CNTNAP2: variants seen among roughly 807,000 people sequenced by gnomAD.
The protein encoded by CNTNAP2 is contactin-associated protein-like 2.
Under a neutral mutation model 155.2 loss-of-function variants are expected in CNTNAP2, and 98 were observed. The ratio of observed to expected loss-of-function variants is 0.63; its 90% CI spans 0.54 to 0.75. The LOEUF (loss-of-function observed/expected upper bound fraction) is 0.75, where lower values mean the gene tolerates loss of function less well. Ranked by LOEUF, CNTNAP2 falls within the 30% of genes least tolerant of loss-of-function variation. The pLI, the probability that CNTNAP2 is intolerant of heterozygous loss-of-function variation, is 0.00. For missense variants in CNTNAP2, 1,727 were observed against 1,688.1 expected (o/e 1.02, Z -0.40); for synonymous variants, 651 against 631.2 (o/e 1.03, Z -0.47).
chr7:146,507,794 A>G (rs994486329), intron 1 of CNTNAP2, among the ~76,000 whole-genome samples: 3 of 152,188 alleles, frequency 2.0e-5, no homozygotes, highest in African/African-American at 7.2e-5. Flanking sequence ...TATCATCCAT[A>G]TAATGGAAAA....
chr7:147,521,827 CAT>C (rs1168463701), intron 11 of CNTNAP2, among the ~76,000 whole-genome samples: 2 of 152,138 alleles, frequency 1.3e-5, no homozygotes. Context: ...ATCTGTGAAA[CAT>C]AATGTTTTCC....
At chr7:146,284,301 C>G (rs564243105) in intron 1 of CNTNAP2, among the ~76,000 whole-genome samples, 1 of 152,146 alleles carries the variant, frequency 6.6e-6, no homozygotes, top group South Asian at 2.1e-4. Flanking sequence ...AAAATGATTT[C>G]ACCTGGTGGC....
intron 8 of CNTNAP2, among the ~76,000 whole-genome samples, chr7:147,220,867 C>T (rs766424288): frequency 1.5e-4 from 23 of 152,060 alleles, no homozygotes; most frequent in Non-Finnish European, 3.1e-4. Flanking sequence ...GCATTCATCA[C>T]CATGTCTGAC....
At chr7:147,771,174 G>T (rs1208018905) in intron 13 of CNTNAP2, among the ~76,000 whole-genome samples, 1 of 152,172 alleles carries the variant, frequency 6.6e-6, no homozygotes, top group Non-Finnish European at 1.5e-5. Context: ...TTGGCCTGTT[G>T]CATCACACCA....
intron 1 of CNTNAP2, among the ~76,000 whole-genome samples, chr7:146,468,719 T>TA (rs1458590383): frequency 2.0e-5 from 3 of 152,188 alleles, no homozygotes; most frequent in East Asian, 1.9e-4. Flanking sequence ...AGTTGCAACT[T>TA]AAAAAAAGAT....
intron 16 of CNTNAP2, among the ~76,000 whole-genome samples, chr7:148,119,405 G>A (rs553329924): frequency 1.4e-3 from 206 of 151,956 alleles, no homozygotes; most frequent in Non-Finnish European, 2.4e-3. Flanking sequence ...TGGCGGGGGC[G>A]CCTGTAGTCC....
At chr7:147,825,066 G>T (rs1798425729) in intron 13 of CNTNAP2, among the ~76,000 whole-genome samples, 1 of 152,140 alleles carries the variant, frequency 6.6e-6, no homozygotes, top group South Asian at 2.1e-4. Flanking sequence ...TAGAGTCTAA[G>T]ATTTTATGTA....
intron 2 of CNTNAP2, among the ~76,000 whole-genome samples, chr7:146,826,126 T>A (rs925415003): frequency 1.3e-5 from 2 of 152,108 alleles, no homozygotes; most frequent in Admixed American, 1.3e-4. Context: ...CATGGAGATG[T>A]TATTTGCATC....
At chr7:147,825,051 TTA>T (rs1320516920) in intron 13 of CNTNAP2, among the ~76,000 whole-genome samples, 2 of 152,198 alleles carry the variant, frequency 1.3e-5, no homozygotes, top group Admixed American at 1.3e-4. Context: ...AAAATGCTGC[TTA>T]AATAGAGTCT....
At chr7:146,357,763 G>C (rs1176820813) in intron 1 of CNTNAP2, among the ~76,000 whole-genome samples, 1 of 151,758 alleles carries the variant, frequency 6.6e-6, no homozygotes, top group Non-Finnish European at 1.5e-5. Flanking sequence ...AATTTTACAG[G>C]TACTAACCCC....
intron 14 of CNTNAP2, among the ~76,000 whole-genome samples, chr7:147,937,062 C>CCAT (rs1410146072): frequency 6.7e-6 from 1 of 150,200 alleles, no homozygotes; most frequent in Non-Finnish European, 1.5e-5. Flanking sequence ...ACCACCACCA[C>CCAT]CACCACGATT....
rs1166316111 is a variant in CNTNAP2, at chr7:148,209,308, T to C, written c.3011-7980T>C. Among the ~76,000 whole-genome samples, 11 of 151,136 alleles carry C rather than the reference T, an allele frequency of 7.3e-5. 1 individual carries two copies. The South Asian group carries it at 1.7e-3, about 23-fold the overall frequency. On this transcript the variant is annotated intron_variant, in intron 18 of 23. Transcript: ENST00000361727. ...TTTTTTCTTTTCTTCCTTTTTTTTT[T>C]TTTTTTTTAGCGACAGGGTCCCCCT...
At chr7:147,667,148 A>G (rs1795708546) in intron 13 of CNTNAP2, among the ~76,000 whole-genome samples, 1 of 152,186 alleles carries the variant, frequency 6.6e-6, no homozygotes, top group African/African-American at 2.4e-5. Flanking sequence ...ACTGTTTTTC[A>G]TTACGTTATG....
At chr7:146,188,347 T>C (rs1798652641) in intron 1 of CNTNAP2, among the ~76,000 whole-genome samples, 2 of 152,190 alleles carry the variant, frequency 1.3e-5, no homozygotes, top group Admixed American at 6.5e-5. Context: ...TCAAAGTATA[T>C]TAAGGCTGCA....
chr7:146,972,910 A>G (rs1197889689), intron 3 of CNTNAP2, among the ~76,000 whole-genome samples: 1 of 152,178 alleles, frequency 6.6e-6, no homozygotes, highest in Non-Finnish European at 1.5e-5. Context: ...AATTAAACAC[A>G]CAGTGTTTGA....
In CNTNAP2 at chr7:147,374,171, T is replaced by G. The variant is rs138517124; in HGVS notation, c.1499-21438T>G. 6.4e-3 allele frequency among the ~76,000 whole-genome samples: 981 copies of G among 152,210 alleles called. 10 individuals carry two copies. Among genetic ancestry groups the G allele is most frequent in the African/African-American group, 0.022 (924 of 41,554 alleles). On this transcript the variant is annotated intron_variant, in intron 9 of 23. Transcript: ENST00000361727. ...TCAAATTTTACTTTTATTTTTTTTC[T>G]TACTTAAACATATGTACATTATATT...
chr7:147,490,813 G>C (rs1249025857), intron 11 of CNTNAP2, among the ~76,000 whole-genome samples: 1 of 152,188 alleles, frequency 6.6e-6, no homozygotes, highest in African/African-American at 2.4e-5. Context: ...ATGTAGCCGG[G>C]GAGGCCTCAG....
chr7:147,779,963 A>G (rs1358568705), intron 13 of CNTNAP2, among the ~76,000 whole-genome samples: 1 of 152,246 alleles, frequency 6.6e-6, no homozygotes, highest in Non-Finnish European at 1.5e-5. Flanking sequence ...GAGACTAGGT[A>G]GAGTGATTTT....
At chr7:148,071,105 T>G (rs1803371910) in intron 15 of CNTNAP2, among the ~76,000 whole-genome samples, 1 of 152,138 alleles carries the variant, frequency 6.6e-6, no homozygotes. Context: ...GAACATCTTT[T>G]TGATAGCTTT....
Sources: gnomAD v4.1 joint callset for allele counts (sites outside exome capture counted in the v4.1 genomes callset) on GRCh38, gnomAD v4.1.1 for gene constraint, MANE v1.5 for transcripts, NCBI Gene and HGNC (gene_info 2026-07-23, HGNC 2026-07-21) for gene names.